The following TTC28 variants were observed in gnomAD, a reference collection of about 807,000 sequenced individuals.
TTC28 encodes the protein tetratricopeptide repeat protein 28.
Under a neutral mutation model 198.0 loss-of-function variants are expected in TTC28, and 61 were observed. That is an observed-to-expected ratio of 0.31 (90% CI 0.25 to 0.38). The LOEUF (loss-of-function observed/expected upper bound fraction) is 0.38. TTC28 is among the 10% of genes least tolerant of loss of function. The pLI is 1.00. For synonymous variants in TTC28, 1,171 were observed against 1,297.8 expected (o/e 0.90, Z 2.10); for missense variants, 2,678 against 3,164.0 (o/e 0.85, Z 3.69).
At chr22:28,076,657 G>A (rs1022490096) in intron 12 of TTC28, among the ~76,000 whole-genome samples, 5 of 152,138 alleles carry the variant, frequency 3.3e-5, no homozygotes, top group African/African-American at 1.2e-4. Flanking sequence ...GCTCACTGCA[G>A]GCTCAAACTC....
chr22:28,352,399 A>T (rs1342678609), intron 2 of TTC28, among the ~76,000 whole-genome samples: 1 of 151,874 alleles, frequency 6.6e-6, no homozygotes, highest in Non-Finnish European at 1.5e-5. Context: ...GCTATTGTGG[A>T]AAGGCACAGC....
At chr22:28,262,157 G>A (rs771069123) in intron 5 of TTC28, among the ~76,000 whole-genome samples, 3 of 152,096 alleles carry the variant, frequency 2.0e-5, no homozygotes, top group Non-Finnish European at 4.4e-5. Flanking sequence ...TGGAAGCAAA[G>A]TTGGGCTAAA....
At chr22:28,113,461 G>T (rs1268091263) in intron 6 of TTC28, among the ~76,000 whole-genome samples, 1 of 152,212 alleles carries the variant, frequency 6.6e-6, no homozygotes, top group Non-Finnish European at 1.5e-5. Flanking sequence ...CCTGGCGAAA[G>T]TAATGGAGAT....
At chr22:28,527,894 A>C (rs2049039126) in intron 2 of TTC28, among the ~76,000 whole-genome samples, 1 of 152,098 alleles carries the variant, frequency 6.6e-6, no homozygotes, top group African/African-American at 2.4e-5. Context: ...TGACCTCCCA[A>C]GGTTTACAGG....
Position 28,005,786 on chromosome 22 carries a change from G to A in TTC28, c.4219-4233C>T, listed in dbSNP as rs901578260. 3.9e-5 allele frequency among the ~76,000 whole-genome samples: 6 copies of A among 152,198 alleles called. No homozygotes were observed. The highest frequency in any genetic ancestry group is 1.9e-4 in the East Asian group (1 of 5,188). On this transcript the variant is annotated intron_variant, in intron 14 of 22. Coordinates refer to ENST00000397906, the MANE Select transcript of TTC28 (RefSeq NM_001145418.2). This position sits in a 1 kb window ranked among gnomAD's most constrained non-coding sequence, Gnocchi z 4.9. ...TCCTGCCCACACTCAGGGGGCTAGCGCTTGCCAGCAACTCCAGACTGGCTC... is the reference window on the plus strand; with the variant it reads ...TCCTGCCCACACTCAGGGGGCTAGCACTTGCCAGCAACTCCAGACTGGCTC...
At chr22:28,545,825 AAAT>A (rs1339168900) in intron 2 of TTC28, among the ~76,000 whole-genome samples, 1 of 152,230 alleles carries the variant, frequency 6.6e-6, no homozygotes, top group Non-Finnish European at 1.5e-5. Context: ...GAAAGAAACT[AAAT>A]AAGATATTTA....
intron 12 of TTC28, among the ~76,000 whole-genome samples, chr22:28,066,605 GTTCT>G (rs1464309283): frequency 2.0e-5 from 3 of 152,044 alleles, no homozygotes; most frequent in African/African-American, 4.8e-5. Flanking sequence ...TTTAAAAATG[GTTCT>G]TTATTTTCCC....
intron 2 of TTC28, among the ~76,000 whole-genome samples, chr22:28,446,266 T>C (rs1440392723): frequency 2.0e-5 from 2 of 100,524 alleles, no homozygotes. Flanking sequence ...AAAGAATGAA[T>C]GGGGTGTGGG....
intron 1 of TTC28, among the ~76,000 whole-genome samples, chr22:28,662,663 T>C (rs1438567695): frequency 6.6e-6 from 1 of 152,258 alleles, no homozygotes; most frequent in Non-Finnish European, 1.5e-5. Flanking sequence ...CTATAATTTA[T>C]ATGGTTCTTC....
intron 5 of TTC28, 126 bp from the exon 6 acceptor site, chr22:28,163,725 G>T: frequency 9.5e-7 from 1 of 1,057,794 alleles, no homozygotes; most frequent in Non-Finnish European, 1.3e-6. Context: ...ACAGCTCCCA[G>T]CGTGAGTGAC....
At chr22:28,344,639 C>A (rs2045879799) in intron 2 of TTC28, among the ~76,000 whole-genome samples, 1 of 152,118 alleles carries the variant, frequency 6.6e-6, no homozygotes, top group Non-Finnish European at 1.5e-5. Flanking sequence ...CATCCTAATT[C>A]TATAATCTTC....
chr22:28,243,211 A>AAAAAAAAAAAAAAAAC (rs1929811577), intron 5 of TTC28, among the ~76,000 whole-genome samples: 1 of 129,448 alleles, frequency 7.7e-6, no homozygotes, highest in Non-Finnish European at 1.6e-5. Flanking sequence ...AAAAAAAAAA[A>AAAAAAAAAAAAAAAAC]AACTAGCCAG....
chr22:28,073,645 C>A (rs1165759993), intron 12 of TTC28, among the ~76,000 whole-genome samples: 1 of 152,184 alleles, frequency 6.6e-6, no homozygotes, highest in African/African-American at 2.4e-5. Flanking sequence ...TTGTTCAACA[C>A]ACATCCACTC....
intron 5 of TTC28, among the ~76,000 whole-genome samples, chr22:28,251,238 G>A (rs867284794): frequency 2.0e-5 from 3 of 152,178 alleles, no homozygotes; most frequent in South Asian, 2.1e-4. Context: ...AGATGGGAAC[G>A]ATAAAAGGCC....
chr22:28,318,966 G>A (rs1004841231), intron 2 of TTC28, among the ~76,000 whole-genome samples: 4 of 151,400 alleles, frequency 2.6e-5, no homozygotes, highest in African/African-American at 9.7e-5. Context: ...CTACAGGTAC[G>A]TGCCACCATG....
At chr22:28,448,111 T>C (rs1461554443) in intron 2 of TTC28, among the ~76,000 whole-genome samples, 2 of 152,240 alleles carry the variant, frequency 1.3e-5, no homozygotes, top group African/African-American at 4.8e-5. Context: ...AATTTAACAT[T>C]ATTGTTTCAA....
intron 5 of TTC28, among the ~76,000 whole-genome samples, chr22:28,189,535 A>C (rs1426408877): frequency 6.6e-6 from 1 of 151,764 alleles, no homozygotes; most frequent in African/African-American, 2.4e-5. Flanking sequence ...TTTTCCTAGA[A>C]ACTGAACACA....
chr22:28,498,498 T>G (rs561243233), intron 2 of TTC28, among the ~76,000 whole-genome samples: 2 of 152,186 alleles, frequency 1.3e-5, no homozygotes, highest in African/African-American at 4.8e-5. Context: ...AAAGCCCATA[T>G]GTTAATCCTT....
At chr22:28,280,690 C>CT (rs1209559635) in intron 5 of TTC28, among the ~76,000 whole-genome samples, 2 of 152,116 alleles carry the variant, frequency 1.3e-5, no homozygotes, top group Admixed American at 1.3e-4. Flanking sequence ...GGAGTTTCTC[C>CT]TTTTTTTCCC....
Sources: allele counts gnomAD v4.1 joint callset (sites outside exome capture counted in the v4.1 genomes callset), GRCh38; gene constraint gnomAD v4.1.1; non-coding constraint Gnocchi (gnomAD v3.1); transcripts MANE v1.5; gene names NCBI Gene and HGNC (gene_info 2026-07-23, HGNC 2026-07-21).